Variants in TSC2 observed in about 807,000 individuals in gnomAD.
TSC2 encodes TSC complex subunit 2.
A neutral mutation model predicts 202.2 loss-of-function variants in TSC2; 29 were observed. That is an observed-to-expected ratio of 0.14 (90% CI 0.11 to 0.20). The LOEUF (loss-of-function observed/expected upper bound fraction) is 0.20. Ranked by LOEUF, TSC2 falls within the 10% of genes least tolerant of loss-of-function variation. TSC2 has a pLI of 1.00. For synonymous variants in TSC2, 1,349 were observed against 1,044.0 expected, an observed-to-expected ratio of 1.29 and a Z score of -5.63; for missense variants, 2,429 against 2,420.0, an observed-to-expected ratio of 1.00 and a Z score of -0.08.
intron 38 of TSC2, 91 bp downstream of exon 38, chr16:2,086,962 G>C (rs2090887582): frequency 6.5e-7 from 1 of 1,531,010 alleles, no homozygotes; most frequent in Admixed American, 2.0e-5. Context: ...CCTGAGCTTC[G>C]GTCACGAGGA....
intron 16 of TSC2, among the ~76,000 whole-genome samples, chr16:2,070,169 C>T (rs2088050810): frequency 6.6e-6 from 1 of 152,182 alleles, no homozygotes; most frequent in African/African-American, 2.4e-5. Context: ...GCAGCACACA[C>T]TCCCCGCCCC....
chr16:2,060,820 TG>T lies in TSC2; in HGVS notation c.1119+12del, dbSNP rs750078037. ...GCTCCTTCAGCAGCTCCAGGTGGGG[TG>T]GGGGCAGGAGCTCCGGGGAGCACCG... is the stretch of plus-strand genomic sequence containing the variant. On this transcript the variant is annotated splice_region_variant and intron_variant, in intron 11 of 41. Transcript: ENST00000219476. 3 of 1,612,604 alleles carry T rather than the reference TG, an allele frequency of 1.9e-6. No individual in the cohort carries two copies. Among genetic ancestry groups the T allele is most frequent in the South Asian group, 1.1e-5 (1 of 91,036 alleles).
At position 2,079,617 on chromosome 16, in the gene TSC2, G is replaced by A; in HGVS notation, c.3345G>A (p.Gln1115=). 1 of 1,611,066 alleles carries A rather than the reference G, an allele frequency of 6.2e-7. No individual in the cohort carries two copies. The highest frequency in any genetic ancestry group is 1.1e-5 in the South Asian group (1 of 90,806). ...TKEAPAKLES[Q]AGQQVSRGAR... is the part of the protein sequence containing the mutation. The stretch of plus-strand genomic sequence containing the variant: ...AGGCGCCGGCCAAGCTGGAGTCCCA[G>A]GCTGGGCAGCAGGTGTCCCGTGGGG... Residue 1115 remains glutamine (Q), a synonymous_variant, in exon 29 of 42, where the codon CAG becomes CAA. Transcript: ENST00000219476. This position sits in a 1 kb window ranked among gnomAD's most constrained non-coding sequence, Gnocchi z 4.6.
chr16:2,077,178 C>CT (rs2089508755), intron 25 of TSC2, among the ~76,000 whole-genome samples: 1 of 152,236 alleles, frequency 6.6e-6, no homozygotes. Flanking sequence ...GTCTTGGTCT[C>CT]TTTTCCTAGT....
At position 2,086,184 on chromosome 16, in the gene TSC2, T is replaced by TC; in HGVS notation, c.4663-5dup. The TC allele has an allele frequency of 6.2e-7, 1 of 1,612,170 alleles. No individual in the cohort carries two copies. Among genetic ancestry groups the TC allele is most frequent in the Non-Finnish European group, 8.5e-7 (1 of 1,179,808 alleles). On this transcript the variant is annotated splice_polypyrimidine_tract_variant and intron_variant, in intron 36 of 41. Coordinates refer to ENST00000219476, the MANE Select transcript of TSC2 (RefSeq NM_000548.5). The stretch of plus-strand genomic sequence containing the variant: ...GTGATGCCACCCTGCCTCTCCCCTC[T>TC]CCCCACAGAGCAACAGCGAGCTCGC...
rs777539610 is a variant in TSC2 at position 2,086,208 on chromosome 16, G to A, written c.4678G>A (p.Ala1560Thr). The A allele has an allele frequency of 1.2e-6, 2 of 1,612,586 alleles. No homozygotes were observed. Among genetic ancestry groups the A allele is most frequent in the East Asian group, 2.2e-5 (1 of 44,858 alleles). ...VGEGQSNSEL[A>T]ILSNEHGSYR... ...CTCCCCACAGAGCAACAGCGAGCTC[G>A]CCATCCTGTCCAATGAGCATGGCTC... The change falls in exon 37 of 42, where the codon GCC (alanine) becomes ACC (threonine). Residue 1560 changes from alanine to threonine, a missense_variant. Coordinates refer to ENST00000219476, the MANE Select transcript of TSC2 (RefSeq NM_000548.5).
At position 2,086,723 on chromosome 16, in the gene TSC2, C is replaced by T. The variant is rs778560020; in HGVS notation, c.4850-9C>T. 1.1e-5 allele frequency: 17 copies of T among 1,609,432 alleles called. No individual in the cohort carries two copies. In the South Asian group the frequency reaches 1.2e-4, roughly 11 times the overall value. ...CCCCACAAACCCATCCGGCCCTGCT[C>T]ACCCTCAGCCGTCTTCCACATCGCC... On this transcript the variant is annotated splice_polypyrimidine_tract_variant and intron_variant, in intron 37 of 41. Coordinates refer to ENST00000219476, the MANE Select transcript of TSC2 (RefSeq NM_000548.5).
rs112492425 is a variant in TSC2 at position 2,080,694 on chromosome 16, C to G, written c.3610+317C>G. 31 of 355,382 alleles carry G rather than the reference C, an allele frequency of 8.7e-5. No homozygotes were observed. The East Asian group carries it at 1.9e-3, about 22-fold the overall frequency. 22.0% of individuals were successfully genotyped at this position (355,382 alleles called of 1,614,324 possible). A position where few individuals can be genotyped will look rare whatever the true frequency, so the allele number is the denominator to read the frequency against. Reference sequence around the variant, plus strand: ...AGAGATGGGGTTTCACTGTGTTAGCCAGGATGGTCTCAATCTCCTGACCTC... The same window carrying G: ...AGAGATGGGGTTTCACTGTGTTAGCGAGGATGGTCTCAATCTCCTGACCTC... On this transcript the variant is annotated intron_variant, in intron 30 of 41. Transcript: ENST00000219476.
intron 10 of TSC2, among the ~76,000 whole-genome samples, chr16:2,059,201 A>G (rs2086300794): frequency 6.8e-6 from 1 of 146,206 alleles, no homozygotes; most frequent in African/African-American, 2.5e-5. Context: ...TGTTTTTAGT[A>G]GAGACGGGGT....
rs2090747195 is a variant in TSC2 at position 2,086,070 on chromosome 16, G to A, written c.4663-123G>A. On this transcript the variant is annotated intron_variant, in intron 36 of 41. Transcript: ENST00000219476. ...GGCCTGGGTGGCTGCTGGAATGGAT[G>A]GTCTTGTCTGCCTCAGGGATCAGAG... 3.5e-6 allele frequency: 4 copies of A among 1,133,010 alleles called. No homozygotes were observed. The South Asian group carries it at 3.9e-5, about 11-fold the overall frequency. 70.2% of individuals were successfully genotyped at this position (1,133,010 alleles called of 1,614,324 possible). A position where few individuals can be genotyped will look rare whatever the true frequency, so the allele number is the denominator to read the frequency against.
chr16:2,088,196 T>TAGTG, intron 40 of TSC2, 31 bp from the exon 41 acceptor site: 1 of 1,612,910 alleles, frequency 6.2e-7, no homozygotes, highest in Non-Finnish European at 8.5e-7. Flanking sequence ...TGCCACCTGA[T>TAGTG]AGTGAGCTCA....
intron 3 of TSC2, among the ~76,000 whole-genome samples, chr16:2,051,310 ACT>A (rs779757171): frequency 3.4e-5 from 5 of 148,400 alleles, no homozygotes; most frequent in Non-Finnish European, 4.5e-5. Flanking sequence ...ACGGAGCAAG[ACT>A]CTGTCTCAAA....
At chr16:2,053,602 G>A in intron 4 of TSC2, 150 bp downstream of exon 4, 1 of 792,438 alleles carries the variant, frequency 1.3e-6, no homozygotes, top group Non-Finnish European at 2.1e-6. Flanking sequence ...TGGCCTGTGG[G>A]GTCTCCTGGT....
At position 2,085,497 on chromosome 16, in the gene TSC2, C is replaced by CGGT. The variant is rs2090665310; in HGVS notation, c.4662+177_4662+179dup. Among the ~76,000 whole-genome samples, 5 of 152,308 alleles carry CGGT rather than the reference C, an allele frequency of 3.3e-5. No homozygotes were observed. In the South Asian group the frequency reaches 8.3e-4, roughly 25 times the overall value. ...GTGCTGCTCTGAGTGCTGGGGACCC[C>CGGT]GGTGCGAGTGACAGGTTAGCGTGGG... is the stretch of plus-strand genomic sequence containing the variant. On this transcript the variant is annotated intron_variant, in intron 36 of 41. Transcript: ENST00000219476.
chr16:2,065,451 A>G (rs2087208611), intron 15 of TSC2, 68 bp from the exon 16 acceptor site: 2 of 1,143,864 alleles, frequency 1.7e-6, no homozygotes, highest in African/African-American at 1.5e-5. Context: ...TTTGTGGTAG[A>G]AAGTGTTCTC....
At chr16:2,086,991 G>C (rs1273817792) in intron 38 of TSC2, 120 bp downstream of exon 38, 8 of 1,457,740 alleles carry the variant, frequency 5.5e-6, no homozygotes, top group Non-Finnish European at 7.4e-6. Context: ...AGAGGCCGCA[G>C]TGCTCAGGGC....
intron 3 of TSC2, among the ~76,000 whole-genome samples, chr16:2,051,856 G>C (rs2085165831): frequency 1.3e-5 from 2 of 152,250 alleles, no homozygotes. Flanking sequence ...CCTGAGGTGA[G>C]GAGTTCGAGA....
chr16:2,082,356 C>A, intron 31 of TSC2, 80 bp from the exon 32 acceptor site: 1 of 1,522,726 alleles, frequency 6.6e-7, no homozygotes, highest in Non-Finnish European at 9.1e-7. Flanking sequence ...CCTCTGCAGG[C>A]ACGGGGCCTG....
At chr16:2,078,964 C>G (rs1368742541) in intron 26 of TSC2, 68 bp from the exon 27 acceptor site, 2 of 1,602,490 alleles carry the variant, frequency 1.2e-6, no homozygotes, top group Admixed American at 1.7e-5. Context: ...GAGCTTTGGC[C>G]CTTGGTGATA....
Sources: gnomAD v4.1 joint callset for allele counts (sites outside exome capture counted in the v4.1 genomes callset) on GRCh38, gnomAD v4.1.1 for gene constraint, Gnocchi (gnomAD v3.1) non-coding constraint, MANE v1.5 for transcripts, NCBI Gene and HGNC (gene_info 2026-07-23, HGNC 2026-07-21) for gene names.